PRR5L: variants seen among roughly 807,000 people sequenced by gnomAD.
PRR5L encodes proline rich 5 like.
Under a neutral mutation model 36.4 loss-of-function variants are expected in PRR5L, and 21 were observed. The observed-to-expected ratio is 0.58, with a 90% CI of 0.41 to 0.83. PRR5L has a LOEUF of 0.83. PRR5L is among the 40% of genes least tolerant of loss of function. PRR5L has a pLI of 0.00. For missense variants in PRR5L, 381 were observed against 473.3 expected (o/e 0.80, Z 1.81); for synonymous variants, 188 against 197.0 (o/e 0.95, Z 0.38).
At chr11:36,347,298 C>G (rs960128172) in intron 1 of PRR5L, among the ~76,000 whole-genome samples, 2 of 152,124 alleles carry the variant, frequency 1.3e-5, no homozygotes, top group Non-Finnish European at 2.9e-5. Flanking sequence ...ATAGAAATGA[C>G]TTTGCCTATG....
chr11:36,324,492 AAC>A (rs1486748490), intron 1 of PRR5L, among the ~76,000 whole-genome samples: 1 of 152,212 alleles, frequency 6.6e-6, no homozygotes, highest in Non-Finnish European at 1.5e-5. Context: ...TATGTAGAAA[AAC>A]CACTAGGTTG....
intron 1 of PRR5L, among the ~76,000 whole-genome samples, chr11:36,378,845 C>CT (rs1363672683): frequency 3.9e-5 from 6 of 152,134 alleles, no homozygotes; most frequent in African/African-American, 1.4e-4. Context: ...GATGAGCCCA[C>CT]TGAGGCTTGG....
At chr11:36,373,597 T>TA (rs1464774559) in intron 1 of PRR5L, among the ~76,000 whole-genome samples, 14 of 146,538 alleles carry the variant, frequency 9.6e-5, no homozygotes, top group Middle Eastern at 3.5e-3. Flanking sequence ...AGACTCTGTT[T>TA]TAAAAAAAAA....
At chr11:36,301,969 A>G (rs1189568942) in intron 1 of PRR5L, among the ~76,000 whole-genome samples, 1 of 152,208 alleles carries the variant, frequency 6.6e-6, no homozygotes, top group Admixed American at 6.5e-5. Flanking sequence ...GGAAACAAAT[A>G]AATACAGAGG....
intron 6 of PRR5L, among the ~76,000 whole-genome samples, chr11:36,445,962 G>T (rs186689106): frequency 4.4e-4 from 67 of 152,308 alleles, no homozygotes; most frequent in Middle Eastern, 3.4e-3. Flanking sequence ...GGCCTTGAAT[G>T]TAGGGAGGTA....
intron 1 of PRR5L, among the ~76,000 whole-genome samples, chr11:36,330,861 A>G (rs1040941381): frequency 6.6e-6 from 1 of 151,804 alleles, no homozygotes; most frequent in Middle Eastern, 3.2e-3. Context: ...GGCCGGTGTT[A>G]GAGGTGTGAT....
intron 1 of PRR5L, among the ~76,000 whole-genome samples, chr11:36,341,485 C>A (rs1027387321): frequency 6.6e-6 from 1 of 152,078 alleles, no homozygotes; most frequent in African/African-American, 2.4e-5. Context: ...GATTCCAGAC[C>A]AGAGTGCTTT....
chr11:36,352,304 G>A (rs1023085062), intron 1 of PRR5L, among the ~76,000 whole-genome samples: 2 of 151,588 alleles, frequency 1.3e-5, no homozygotes, highest in African/African-American at 4.8e-5. Context: ...GTTTTTTCTT[G>A]CTAATTTGTT....
chr11:36,357,707 A>AG (rs1468381970), intron 1 of PRR5L, among the ~76,000 whole-genome samples: 1 of 152,172 alleles, frequency 6.6e-6, no homozygotes, highest in African/African-American at 2.4e-5. Flanking sequence ...ACTACTATTC[A>AG]GAAAAAAAAA....
intron 1 of PRR5L, chr11:36,297,292 T>C (rs1025420709): frequency 1.3e-5 from 2 of 152,216 alleles, no homozygotes; most frequent in African/African-American, 2.4e-5. Context: ...TCTGGCTTCA[T>C]AGAACATCTG....
chr11:36,366,413 TGAGAGAGA>T (rs71465991), intron 1 of PRR5L, among the ~76,000 whole-genome samples: 2 of 149,122 alleles, frequency 1.3e-5, no homozygotes, highest in Non-Finnish European at 3.0e-5. Context: ...TGTGTGTGTG[TGAGAGAGA>T]GAGAGAGAGG....
At chr11:36,424,054 T>C (rs1382417517) in intron 4 of PRR5L, among the ~76,000 whole-genome samples, 3 of 152,348 alleles carry the variant, frequency 2.0e-5, no homozygotes, top group African/African-American at 7.2e-5. Context: ...AATACTTTGA[T>C]TGTACTTTTA....
At chr11:36,390,502 A>G (rs1314774880) in intron 1 of PRR5L, among the ~76,000 whole-genome samples, 2 of 152,200 alleles carry the variant, frequency 1.3e-5, no homozygotes, top group Non-Finnish European at 2.9e-5. Context: ...TAGTTCCAGC[A>G]TCGTTTCTCA....
intron 1 of PRR5L, among the ~76,000 whole-genome samples, chr11:36,358,412 C>T (rs1315093303): frequency 6.6e-6 from 1 of 152,178 alleles, no homozygotes; most frequent in African/African-American, 2.4e-5. Context: ...GCAACACCCT[C>T]CACCAGCAAA....
rs573765373 is a variant in PRR5L, at chr11:36,417,111, T to C, written c.246-2144T>C. Among the ~76,000 whole-genome samples the C allele has an allele frequency of 1.1e-4, 16 of 152,310 alleles. No individual in the cohort carries two copies. The South Asian group carries it at 3.1e-3, about 30-fold the overall frequency. On this transcript the variant is annotated intron_variant, in intron 3 of 8. Coordinates refer to ENST00000530639, the MANE Select transcript of PRR5L (RefSeq NM_001160167.2). The stretch of plus-strand genomic sequence containing the variant: ...ACTGTGGGTTCCTTGGGACACCAAT[T>C]CCACAGCGTATTATTTGATCTCAGA...
chr11:36,310,063 G>GAAC (rs1456125330), intron 1 of PRR5L, among the ~76,000 whole-genome samples: 3 of 22,782 alleles, frequency 1.3e-4, no homozygotes, highest in Non-Finnish European at 2.5e-4. Flanking sequence ...CCTCTCAAAA[G>GAAC]AACACATCAT....
chr11:36,305,612 G>T (rs1350426943), intron 1 of PRR5L, among the ~76,000 whole-genome samples: 1 of 152,172 alleles, frequency 6.6e-6, no homozygotes, highest in African/African-American at 2.4e-5. Context: ...ATGACGTTTT[G>T]GAAGTGATTA....
At chr11:36,368,729 C>T (rs558226443) in intron 1 of PRR5L, among the ~76,000 whole-genome samples, 1 of 152,308 alleles carries the variant, frequency 6.6e-6, no homozygotes, top group Admixed American at 6.5e-5. Flanking sequence ...AAGAGATTTT[C>T]AGAAATGTAA....
chr11:36,404,835 G>A (rs957941788), intron 3 of PRR5L, among the ~76,000 whole-genome samples: 4 of 152,116 alleles, frequency 2.6e-5, no homozygotes, highest in African/African-American at 9.7e-5. Flanking sequence ...AAAGACAAAA[G>A]ATATCTAGCC....
Sources: allele counts gnomAD v4.1 joint callset (sites outside exome capture counted in the v4.1 genomes callset), GRCh38; gene constraint gnomAD v4.1.1; transcripts MANE v1.5; gene names NCBI Gene and HGNC (gene_info 2026-07-23, HGNC 2026-07-21).